IL1RAPL1: variants seen among roughly 807,000 people sequenced by gnomAD.
IL1RAPL1 encodes interleukin-1 receptor accessory protein-like 1.
Under a neutral mutation model 48.4 loss-of-function variants are expected in IL1RAPL1, and 3 were observed. That is an observed-to-expected ratio of 0.06 (90% CI 0.03 to 0.16). The LOEUF is 0.16. Among genes scored for constraint, IL1RAPL1 ranks in the 10% least tolerant of loss-of-function variants. The pLI is 1.00. For missense variants in IL1RAPL1, 349 were observed against 530.6 expected (o/e 0.66, Z 3.36); for synonymous variants, 185 against 187.7 (o/e 0.99, Z 0.12).
chrX:29,566,555 T>C lies in IL1RAPL1; in HGVS notation c.704-101875T>C, dbSNP rs769091427. The stretch of plus-strand genomic sequence containing the variant: ...ATTTCTAATAGTGTTTACACCAGTG[T>C]AGACGAGGAGTGGATCATCAAAGGA... On this transcript the variant is annotated intron_variant, in intron 5 of 10. Coordinates refer to ENST00000378993, the MANE Select transcript of IL1RAPL1 (RefSeq NM_014271.4). Among the ~76,000 whole-genome samples the C allele has an allele frequency of 2.7e-5, 3 of 112,183 alleles. No individual in the cohort carries two copies. In the East Asian group the frequency reaches 8.4e-4, roughly 31 times the overall value.
At chrX:29,350,214 T>G (rs1368936164) in intron 3 of IL1RAPL1, among the ~76,000 whole-genome samples, 1 of 79,237 alleles carries the variant, frequency 1.3e-5, no homozygotes, top group Admixed American at 1.4e-4. Flanking sequence ...TATATATATA[T>G]ATATATATAT....
At chrX:29,758,431 G>A (rs965551180) in intron 6 of IL1RAPL1, among the ~76,000 whole-genome samples, 8 of 111,350 alleles carry the variant, frequency 7.2e-5, no homozygotes, top group Non-Finnish European at 1.1e-4. Flanking sequence ...AGTGGCTCAC[G>A]CCTGTAATCC....
intron 6 of IL1RAPL1, among the ~76,000 whole-genome samples, chrX:29,839,384 A>G (rs1931085685): frequency 8.9e-6 from 1 of 112,009 alleles, no homozygotes; most frequent in South Asian, 3.8e-4. Flanking sequence ...ATACAAAGCA[A>G]ATATTCTAAT....
intron 5 of IL1RAPL1, among the ~76,000 whole-genome samples, chrX:29,457,464 T>C: frequency 9.0e-6 from 1 of 111,617 alleles, no homozygotes; most frequent in East Asian, 2.8e-4. Flanking sequence ...CTTGCATTAA[T>C]TCACTTAGGA....
At chrX:29,704,115 A>C (rs1267432131) in intron 6 of IL1RAPL1, among the ~76,000 whole-genome samples, 2 of 108,840 alleles carry the variant, frequency 1.8e-5, no homozygotes, top group East Asian at 2.9e-4. Flanking sequence ...TTTTTGGTGG[A>C]GAGGGAGTCT....
At chrX:29,122,405 T>TCACA (rs1347700809) in intron 2 of IL1RAPL1, among the ~76,000 whole-genome samples, 1 of 79,610 alleles carries the variant, frequency 1.3e-5, no homozygotes, top group African/African-American at 6.2e-5. Context: ...TTTCTCTCTC[T>TCACA]CTCTCACACA....
chrX:28,934,816 T>C (rs761763223), intron 2 of IL1RAPL1, among the ~76,000 whole-genome samples: 1 of 112,099 alleles, frequency 8.9e-6, no homozygotes, highest in Non-Finnish European at 1.9e-5. Context: ...TTTCTAGTTT[T>C]TGCCTGTTAT....
At chrX:28,817,478 C>T (rs997613993) in intron 2 of IL1RAPL1, among the ~76,000 whole-genome samples, 2 of 110,967 alleles carry the variant, frequency 1.8e-5, no homozygotes, top group African/African-American at 6.5e-5. Flanking sequence ...TCATGAAACA[C>T]CACTAATAGG....
At chrX:29,788,493 G>A (rs935272176) in intron 6 of IL1RAPL1, among the ~76,000 whole-genome samples, 5 of 111,366 alleles carry the variant, frequency 4.5e-5, no homozygotes, top group South Asian at 3.7e-4. Context: ...AGCTGTTGCC[G>A]TTTTCATATA....
At chrX:28,897,354 C>T (rs1922950189) in intron 2 of IL1RAPL1, among the ~76,000 whole-genome samples, 1 of 111,644 alleles carries the variant, frequency 9.0e-6, no homozygotes, top group African/African-American at 3.3e-5. Context: ...GATTAAACAC[C>T]AAGGGAAGAC....
At chrX:28,618,120 A>G (rs1934243413) in intron 1 of IL1RAPL1, among the ~76,000 whole-genome samples, 1 of 111,945 alleles carries the variant, frequency 8.9e-6, no homozygotes, top group Admixed American at 9.5e-5. Context: ...TGTCTCTTCA[A>G]GTGTATGATT....
intron 3 of IL1RAPL1, among the ~76,000 whole-genome samples, chrX:29,374,414 A>T (rs1384689163): frequency 1.1e-4 from 11 of 104,139 alleles, no homozygotes; most frequent in African/African-American, 3.9e-4. Context: ...CAAGCAATTG[A>T]GGAGTTCATT....
intron 6 of IL1RAPL1, among the ~76,000 whole-genome samples, chrX:29,770,814 C>T (rs1929048090): frequency 8.9e-6 from 1 of 112,412 alleles, no homozygotes; most frequent in South Asian, 3.7e-4. Flanking sequence ...ATATCTCTAA[C>T]ATACAACTTC....
chrX:29,700,686 T>C (rs184746657), intron 6 of IL1RAPL1, among the ~76,000 whole-genome samples: 2 of 111,962 alleles, frequency 1.8e-5, no homozygotes, highest in East Asian at 5.6e-4. Context: ...TAAATTCTCA[T>C]GTAGCATATT....
At chrX:29,217,818 C>A (rs1469791988) in intron 2 of IL1RAPL1, among the ~76,000 whole-genome samples, 1 of 107,111 alleles carries the variant, frequency 9.3e-6, no homozygotes, top group East Asian at 2.9e-4. Context: ...CACACACACA[C>A]TTACTTGTAT....
rs146937494 is a variant in IL1RAPL1, at chrX:28,623,279, C to G, written c.-25+35232C>G. On this transcript the variant is annotated intron_variant, in intron 1 of 10. Coordinates refer to ENST00000378993, the MANE Select transcript of IL1RAPL1 (RefSeq NM_014271.4). ...CTGTCTGTGCATCCTTCGTCCTTGT[C>G]ACATCATAATGTTTTCATTCAACCT... 3.0e-3 allele frequency among the ~76,000 whole-genome samples: 334 copies of G among 111,325 alleles called. 4 individuals carry two copies. The highest frequency in any genetic ancestry group is 0.01 in the African/African-American group (316 of 30,653).
At chrX:28,792,743 A>C (rs753361090) in intron 2 of IL1RAPL1, among the ~76,000 whole-genome samples, 1 of 81,384 alleles carries the variant, frequency 1.2e-5, no homozygotes, top group African/African-American at 4.7e-5. Context: ...AGTCGAGATC[A>C]CGCCACTGCA....
At position 28,619,360 on chromosome X, in the gene IL1RAPL1, C is replaced by T. The variant is rs112726010; in HGVS notation, c.-25+31313C>T. On this transcript the variant is annotated intron_variant, in intron 1 of 10. Coordinates refer to ENST00000378993, the MANE Select transcript of IL1RAPL1 (RefSeq NM_014271.4). ...CTGTAACCCCAGCACTTTGGGAGGC[C>T]GAGACGAGTGGATCGCTTGAGTCCA... Among the ~76,000 whole-genome samples the T allele has an allele frequency of 3.6e-3, 398 of 109,909 alleles. 2 individuals are homozygous for T. The highest frequency in any genetic ancestry group is 0.012 in the African/African-American group (365 of 30,186).
chrX:29,813,005 C>T (rs768002236), intron 6 of IL1RAPL1, among the ~76,000 whole-genome samples: 4 of 111,445 alleles, frequency 3.6e-5, no homozygotes, highest in South Asian at 3.8e-4. Flanking sequence ...CTAGACTCCC[C>T]GTGCCCTGTG....
Sources: gnomAD v4.1 joint callset for allele counts (sites outside exome capture counted in the v4.1 genomes callset) on GRCh38, gnomAD v4.1.1 for gene constraint, MANE v1.5 for transcripts, NCBI Gene and HGNC (gene_info 2026-07-23, HGNC 2026-07-21) for gene names.